The following MAP4 variants were observed in gnomAD, a reference collection of about 807,000 sequenced individuals.
The protein encoded by MAP4 is microtubule associated protein 4.
A neutral mutation model predicts 170.2 loss-of-function variants in MAP4; 76 were observed. The observed-to-expected ratio is 0.45, with a 90% CI of 0.37 to 0.54. The LOEUF (loss-of-function observed/expected upper bound fraction) is 0.54. Ranked by LOEUF, MAP4 falls within the 20% of genes least tolerant of loss-of-function variation. The pLI is 0.00. For synonymous variants in MAP4, 909 were observed against 994.5 expected (o/e 0.91, Z 1.62); for missense variants, 2,506 against 2,748.0 (o/e 0.91, Z 1.97).
chr3:48,056,445 G>T (rs1463672770), intron 1 of MAP4, among the ~76,000 whole-genome samples: 74 of 93,574 alleles, frequency 7.9e-4, no homozygotes, highest in African/African-American at 3.2e-3. Context: ...AGGTGGGGGG[G>T]TCAGCCCCCC....
Position 47,909,632 on chromosome 3 carries a change from C to T in MAP4, c.4789G>A (p.Ala1597Thr). ...TGTGCTGGGAAATTACCTCTATCTG[C>T]ATATCCTTCTAGGGCTCTGGCCTCT... ...PGEARALEGY[A>T]DRGNFPAHPV... is the part of the protein sequence containing the mutation. The change falls in exon 9 of 21, where the codon GCA (alanine) becomes ACA (threonine). Residue 1597 changes from alanine to threonine, a missense_variant. Ala to Thr is a moderately conservative substitution (Grantham distance 58, BLOSUM62 0). Transcript: ENST00000683076. The T allele has an allele frequency of 1.2e-6, 2 of 1,613,890 alleles. No homozygotes were observed. The highest frequency in any genetic ancestry group is 1.7e-6 in the Non-Finnish European group (2 of 1,179,900).
Position 48,045,370 on chromosome 3 carries a change from T to A in MAP4, c.-20+43403A>T, listed in dbSNP as rs1012591636. ...ATCATTAATGCACTAAAGCAGGAGG[T>A]GAGCGAAGGGCAGGCGAGCATCTCT... On this transcript the variant is annotated intron_variant, in intron 1 of 18. Coordinates refer to the MAP4 transcript ENST00000360240. Among the ~76,000 whole-genome samples, 6 of 151,206 alleles carry A rather than the reference T, an allele frequency of 4.0e-5. No homozygotes were observed. In the East Asian group the frequency reaches 9.7e-4, roughly 24 times the overall value.
chr3:47,866,816 G>C (rs1307588520), intron 17 of MAP4, among the ~76,000 whole-genome samples: 1 of 152,110 alleles, frequency 6.6e-6, no homozygotes, highest in Non-Finnish European at 1.5e-5. Context: ...TAATAACAAG[G>C]ATTCAAAGAT....
chr3:48,055,718 G>T (rs1260641435), intron 1 of MAP4, among the ~76,000 whole-genome samples: 3 of 82,972 alleles, frequency 3.6e-5, no homozygotes, highest in African/African-American at 1.4e-4. Context: ...TGGAAAGTGA[G>T]GAGCGTCTCC....
At chr3:47,922,565 T>TA (rs60253552) in intron 4 of MAP4, among the ~76,000 whole-genome samples, 17 of 148,656 alleles carry the variant, frequency 1.1e-4, no homozygotes, top group East Asian at 2.0e-4. Context: ...TTAACAAGCT[T>TA]AAAAAAAAAA....
chr3:47,938,371 GA>G (rs1246587381), intron 3 of MAP4, among the ~76,000 whole-genome samples: 1 of 151,316 alleles, frequency 6.6e-6, no homozygotes, highest in African/African-American at 2.4e-5. Flanking sequence ...TGTCTCAAAG[GA>G]AAAAAAGAAA....
chr3:47,910,424 C>T lies in MAP4; in HGVS notation c.3997G>A (p.Ala1333Thr). The T allele has an allele frequency of 6.5e-7, 1 of 1,536,214 alleles. No homozygotes were observed. ...GATACTACTGAAGGAACAAATCCTG[C>T]CCCCTGGATTTGCTCTTGGCAGCTC... ...DVSCQEQIQG[A>T]GFVPSVVSEE... The change falls in exon 9 of 21, where the codon GCA (alanine) becomes ACA (threonine). Residue 1333 changes from alanine to threonine, a missense_variant. Physicochemically the swap from Ala to Thr is moderately conservative, Grantham distance 58. Coordinates refer to ENST00000683076, the MANE Select transcript of MAP4 (RefSeq NM_001385682.1).
intron 1 of MAP4, among the ~76,000 whole-genome samples, chr3:48,079,265 AC>A (rs2100145394): frequency 6.6e-6 from 1 of 152,148 alleles, no homozygotes; most frequent in Non-Finnish European, 1.5e-5. Context: ...ATATCTGTAT[AC>A]TACAGATATT....
chr3:48,062,495 A>T (rs1230527437), intron 1 of MAP4, among the ~76,000 whole-genome samples: 3 of 16,558 alleles, frequency 1.8e-4, no homozygotes, highest in Non-Finnish European at 4.4e-4. Context: ...AATGATCAAT[A>T]AAAAAAAAAA....
At chr3:47,857,619 C>A in intron 17 of MAP4, 107 bp from the exon 18 acceptor site, 4 of 729,618 alleles carry the variant, frequency 5.5e-6, no homozygotes, top group South Asian at 4.9e-5. Flanking sequence ...CTCGCTCCCT[C>A]TGTAAGCTGC....
At chr3:47,956,331 A>T (rs999952004) in intron 3 of MAP4, among the ~76,000 whole-genome samples, 1 of 139,480 alleles carries the variant, frequency 7.2e-6, no homozygotes, top group African/African-American at 2.5e-5. Context: ...GGGAAAGAAA[A>T]AACTCAAGTC....
rs796434506 is a variant in MAP4 at position 48,025,936 on chromosome 3, T to TAATAATAATAATAATAATAAC, written c.-19-27058_-19-27057insGTTATTATTATTATTATTATT. 6.1e-5 allele frequency among the ~76,000 whole-genome samples: 9 copies of TAATAATAATAATAATAATAAC among 147,536 alleles called. No homozygotes were observed. The South Asian group carries it at 8.5e-4, about 14-fold the overall frequency. ...ATAATAATAATAATAATAATAATAA[T>TAATAATAATAATAATAATAAC]AACAATAATAATAATATGCTGACTT... is the stretch of plus-strand genomic sequence containing the variant. On this transcript the variant is annotated intron_variant, in intron 1 of 18. Transcript: ENST00000360240.
At position 47,871,268 on chromosome 3, in the gene MAP4, T is replaced by C; in HGVS notation, c.5960A>G (p.Lys1987Arg). The change falls in exon 14 of 21, where the codon AAA (lysine) becomes AGA (arginine). Residue 1987 changes from lysine (K) to arginine (R), a missense_variant. By Grantham distance (26) the Lys-to-Arg change is conservative. Coordinates refer to ENST00000683076, the MANE Select transcript of MAP4 (RefSeq NM_001385682.1). Reference protein sequence around the residue: ...KKPTAIKTEGKPAEVKKMTAK... With the variant: ...KKPTAIKTEGRPAEVKKMTAK... ...AGTCATCTTCTTGACTTCTGCAGGT[T>C]TTCCCTCAGTCTTAATGGCTGTACA... 1 of 1,614,128 alleles carries C rather than the reference T, an allele frequency of 6.2e-7. No homozygotes were observed. The highest frequency in any genetic ancestry group is 8.5e-7 in the Non-Finnish European group (1 of 1,179,940).
chr3:47,930,366 A>AC (rs1398105111), intron 3 of MAP4, among the ~76,000 whole-genome samples: 1 of 150,518 alleles, frequency 6.6e-6, no homozygotes, highest in Non-Finnish European at 1.5e-5. Context: ...AATGGCGTGA[A>AC]CCCGGGAAGC....
At chr3:48,013,765 C>A (rs9862696) in intron 1 of MAP4, among the ~76,000 whole-genome samples, 1 of 151,168 alleles carries the variant, frequency 6.6e-6, no homozygotes, top group Admixed American at 6.6e-5. Flanking sequence ...AAATTCACCA[C>A]TGCATGGTGC....
chr3:47,988,959 C>T (rs1387886435), intron 2 of MAP4, among the ~76,000 whole-genome samples: 3 of 152,144 alleles, frequency 2.0e-5, no homozygotes, highest in African/African-American at 7.2e-5. Flanking sequence ...TACTGGTGAG[C>T]ACCACCACGC....
intron 1 of MAP4, among the ~76,000 whole-genome samples, chr3:48,041,612 A>G (rs1396348690): frequency 3.3e-5 from 5 of 152,126 alleles, no homozygotes; most frequent in African/African-American, 9.7e-5. Context: ...GGTAGGCCAA[A>G]CTGGGCATTA....
rs760286280 is a variant in MAP4, at chr3:47,875,736, G to A, written c.5706C>T (p.Ala1902=). ...LVPAAPPKRP[A]VASARPSILP... ...AGATGGAAGGCCTGGCAGAGGCGAC[G>A]GCAGGGCGTTTGGGTGGGGCAGCTG... Residue 1902 remains alanine (A), a synonymous_variant, in exon 12 of 21, where the codon GCC becomes GCT. Transcript: ENST00000683076. The A allele has an allele frequency of 3.1e-5, 50 of 1,613,776 alleles. No homozygotes were observed. Among genetic ancestry groups the A allele is most frequent in the African/African-American group, 4.0e-5 (3 of 75,024 alleles).
chr3:47,907,128 C>G (rs2153456040), intron 9 of MAP4, among the ~76,000 whole-genome samples: 1 of 152,226 alleles, frequency 6.6e-6, no homozygotes, highest in East Asian at 1.9e-4. Context: ...AGCCACTGCG[C>G]CTGGCTTCTT....
Sources: allele counts gnomAD v4.1 joint callset (sites outside exome capture counted in the v4.1 genomes callset), GRCh38; gene constraint gnomAD v4.1.1; transcripts MANE v1.5; gene names NCBI Gene and HGNC (gene_info 2026-07-23, HGNC 2026-07-21).